SSBP1: variants seen among roughly 807,000 people sequenced by gnomAD.
The protein encoded by SSBP1 is single-stranded DNA-binding protein, mitochondrial.
Under a neutral mutation model 27.0 loss-of-function variants are expected in SSBP1, and 20 were observed. The observed-to-expected ratio is 0.74, with a 90% CI of 0.52 to 1.08. The LOEUF (loss-of-function observed/expected upper bound fraction) is 1.08. SSBP1 is among the 50% of genes least tolerant of loss of function. The pLI is 0.00. For missense variants in SSBP1, 137 were observed against 182.4 expected, an observed-to-expected ratio of 0.75 and a Z score of 1.44; for synonymous variants, 59 against 59.3, an observed-to-expected ratio of 1.00 and a Z score of 0.02.
At chr7:141,748,632 G>A (rs1020430675) in intron 6 of SSBP1, among the ~76,000 whole-genome samples, 17 of 152,198 alleles carry the variant, frequency 1.1e-4, no homozygotes, top group African/African-American at 4.1e-4. Context: ...TAAGCCAAAC[G>A]GAAGCATTTC....
intron 3 of SSBP1, among the ~76,000 whole-genome samples, chr7:141,743,055 G>T (rs770595705): frequency 1.1e-4 from 16 of 152,142 alleles, no homozygotes; most frequent in Non-Finnish European, 1.6e-4. Flanking sequence ...GGGTTTCACC[G>T]TGTTAGCCAG....
chr7:141,738,756 TAAG>T (rs1391010750), intron 1 of SSBP1: 1 of 162,622 alleles, frequency 6.1e-6, no homozygotes, highest in African/African-American at 2.4e-5. Context: ...TACTATGCAT[TAAG>T]AACTTTTTTA....
chr7:141,744,046 G>A, intron 5 of SSBP1, 57 bp downstream of exon 5: 1 of 1,480,748 alleles, frequency 6.8e-7, no homozygotes, highest in Non-Finnish European at 9.3e-7. Flanking sequence ...CCGATAAGAA[G>A]TGTTCTCATG....
At chr7:141,748,967 A>C (rs1325350701) in intron 6 of SSBP1, among the ~76,000 whole-genome samples, 1 of 152,238 alleles carries the variant, frequency 6.6e-6, no homozygotes, top group Non-Finnish European at 1.5e-5. Context: ...ACAAATATTC[A>C]GTCCTTGGTG....
chr7:141,746,708 A>G (rs536337874), intron 6 of SSBP1, among the ~76,000 whole-genome samples: 5 of 152,378 alleles, frequency 3.3e-5, no homozygotes, highest in Non-Finnish European at 5.9e-5. Flanking sequence ...AAGGTTAAAG[A>G]AGATTAAGAA....
At chr7:141,742,827 C>T (rs1160029259) in intron 3 of SSBP1, among the ~76,000 whole-genome samples, 2 of 152,168 alleles carry the variant, frequency 1.3e-5, no homozygotes, top group Admixed American at 1.3e-4. Context: ...TATAGCATTT[C>T]TTCTGGACAT....
At chr7:141,742,408 C>A (rs1264286737) in intron 3 of SSBP1, among the ~76,000 whole-genome samples, 179 bp downstream of exon 3, 1 of 152,162 alleles carries the variant, frequency 6.6e-6, no homozygotes, top group Non-Finnish European at 1.5e-5. Flanking sequence ...ATAAACTGAG[C>A]CCCTGTTCTC....
In SSBP1 at chr7:141,743,641, A is replaced by G. The variant is rs1799655635; in HGVS notation, c.166A>G (p.Ile56Val). 1 of 1,614,192 alleles carries G rather than the reference A, an allele frequency of 6.2e-7. No homozygotes were observed. The highest frequency in any genetic ancestry group is 8.5e-7 in the Non-Finnish European group (1 of 1,180,042). ...RQVEGKNPVT[I>V]FSLATNEMWR... ...GGTGGAAGGAAAAAATCCAGTCACA[A>G]TATTTTCTCTAGCAACTAATGAGAT... Residue 56 changes from isoleucine to valine, a missense_variant, in exon 4 of 7, where the codon ATA (isoleucine) becomes GTA (valine). Physicochemically the swap from Ile to Val is conservative, Grantham distance 29. This residue lies in a region of SSBP1 where 95 missense variants were observed against 152.0 expected (regional missense o/e 0.62). Coordinates refer to ENST00000265304, the MANE Select transcript of SSBP1 (RefSeq NM_003143.3).
chr7:141,741,904 A>G (rs1171320728), intron 2 of SSBP1: 9 of 672,044 alleles, frequency 1.3e-5, no homozygotes, highest in Non-Finnish European at 1.9e-5. Context: ...GAGATGTCGC[A>G]AAATAAATGG....
chr7:141,742,252 T>C, intron 3 of SSBP1, 23 bp downstream of exon 3: 2 of 1,569,200 alleles, frequency 1.3e-6, no homozygotes, highest in Non-Finnish European at 1.8e-6. Context: ...TTTCCAAGTT[T>C]AAAATGTTAT....
At chr7:141,749,508 T>C (rs746210641) in intron 6 of SSBP1, among the ~76,000 whole-genome samples, 17 of 152,186 alleles carry the variant, frequency 1.1e-4, no homozygotes, top group Admixed American at 4.6e-4. Flanking sequence ...CTGGGCCAGG[T>C]GCGGTGCTCA....
intron 6 of SSBP1, among the ~76,000 whole-genome samples, chr7:141,749,698 C>T (rs1298605894): frequency 1.3e-5 from 2 of 152,184 alleles, no homozygotes; most frequent in African/African-American, 4.8e-5. Flanking sequence ...AGGAGAATCG[C>T]TTGAACCCAG....
chr7:141,740,521 C>CAGT (rs1283904455), intron 2 of SSBP1: 3 of 152,176 alleles, frequency 2.0e-5, no homozygotes, highest in Non-Finnish European at 4.4e-5. Flanking sequence ...GCAGGTGATG[C>CAGT]AGTCTCTCTG....
Position 141,745,590 on chromosome 7 carries a change from A to G in SSBP1, c.403+6A>G, listed in dbSNP as rs1389429189. ...AGCAACAACAATCATAGCTGGTAAG[A>G]AGCTTGTGAAAATAGCTGTTTTTTT... On this transcript the variant is annotated splice_donor_region_variant and intron_variant, in intron 6 of 6. Transcript: ENST00000265304. 2 of 1,613,208 alleles carry G rather than the reference A, an allele frequency of 1.2e-6. No homozygotes were observed. The highest frequency in any genetic ancestry group is 1.7e-5 in the Admixed American group (1 of 59,876).
At chr7:141,744,013 T>C in intron 5 of SSBP1, 24 bp downstream of exon 5, 1 of 1,593,778 alleles carries the variant, frequency 6.3e-7, no homozygotes, top group African/African-American at 1.4e-5. Flanking sequence ...GGAAGGATCT[T>C]ATGAATTGAA....
intron 5 of SSBP1, 120 bp downstream of exon 5, chr7:141,744,109 A>G (rs1799674692): frequency 1.2e-6 from 1 of 815,430 alleles, no homozygotes; most frequent in Non-Finnish European, 1.9e-6. Flanking sequence ...GACTGTATTA[A>G]TTTAAGAGGT....
intron 6 of SSBP1, chr7:141,746,503 C>G (rs1799796889): frequency 6.6e-6 from 1 of 152,084 alleles, no homozygotes; most frequent in South Asian, 2.1e-4. Flanking sequence ...CACCATCATG[C>G]CTGGCTAATT....
intron 6 of SSBP1, 192 bp downstream of exon 6, chr7:141,745,776 T>C: frequency 2.3e-6 from 3 of 1,328,538 alleles, no homozygotes; most frequent in Non-Finnish European, 2.9e-6. Context: ...TTTAAAAAAT[T>C]ATTTTTATAC....
intron 2 of SSBP1, among the ~76,000 whole-genome samples, chr7:141,741,959 T>C (rs1799552131): frequency 6.6e-6 from 1 of 152,216 alleles, no homozygotes; most frequent in South Asian, 2.1e-4. Context: ...GTACCTTCCT[T>C]CTACCTTTGG....
Sources: gnomAD v4.1 joint callset for allele counts (sites outside exome capture counted in the v4.1 genomes callset) on GRCh38, gnomAD v4.1.1 for gene constraint, gnomAD v4.1.1 regional missense constraint, MANE v1.5 for transcripts, NCBI Gene and HGNC (gene_info 2026-07-23, HGNC 2026-07-21) for gene names.